LHX4: variants seen among roughly 807,000 people sequenced by gnomAD.
LHX4 encodes the protein LIM homeobox 4.
A neutral mutation model predicts 39.2 loss-of-function variants in LHX4; 16 were observed. The ratio of observed to expected loss-of-function variants is 0.41; its 90% confidence interval spans 0.28 to 0.62. LHX4 has a LOEUF of 0.62. LHX4 is among the 20% of genes least tolerant of loss of function. The probability of loss-of-function intolerance (pLI) is 0.33; values close to 1 mark genes in which losing one functional copy is unlikely to be tolerated. For missense variants in LHX4, 439 were observed against 511.9 expected (o/e 0.86, Z 1.37); for synonymous variants, 206 against 198.1 (o/e 1.04, Z -0.33).
intron 3 of LHX4, among the ~76,000 whole-genome samples, chr1:180,269,353 T>G (rs1278486698): frequency 2.0e-5 from 3 of 152,224 alleles, no homozygotes; most frequent in Non-Finnish European, 2.9e-5. Context: ...TATTGATTTT[T>G]GGGTACATTT....
chr1:180,237,111 G>A (rs1328506233), intron 1 of LHX4, among the ~76,000 whole-genome samples: 1 of 151,396 alleles, frequency 6.6e-6, no homozygotes, highest in Admixed American at 6.6e-5. Flanking sequence ...TCCTTCCCCT[G>A]TTCCCCCAAT....
chr1:180,243,980 C>T (rs1305647786), intron 1 of LHX4, among the ~76,000 whole-genome samples: 4 of 152,190 alleles, frequency 2.6e-5, no homozygotes, highest in African/African-American at 9.7e-5. Context: ...AGCAGCAGCA[C>T]AGTCTATTGG....
chr1:180,259,260 G>C (rs1647998664), intron 2 of LHX4, among the ~76,000 whole-genome samples: 1 of 152,162 alleles, frequency 6.6e-6, no homozygotes, highest in African/African-American at 2.4e-5. Flanking sequence ...GGTTGGGTAG[G>C]GCACTGCCTT....
chr1:180,264,819 TGG>T (rs1171705694), intron 2 of LHX4, among the ~76,000 whole-genome samples: 2 of 152,220 alleles, frequency 1.3e-5, no homozygotes, highest in Admixed American at 6.5e-5. Flanking sequence ...TTCAGAAGCC[TGG>T]GGTCCTCCCA....
chr1:180,265,233 G>C (rs551660468), intron 2 of LHX4, among the ~76,000 whole-genome samples: 6 of 152,202 alleles, frequency 3.9e-5, no homozygotes, highest in Non-Finnish European at 8.8e-5. Flanking sequence ...TCCATTAGGC[G>C]AAGTCTTTCA....
At chr1:180,271,269 C>T in intron 3 of LHX4, 111 bp from the exon 4 acceptor site, 1 of 1,248,194 alleles carries the variant, frequency 8.0e-7, no homozygotes, top group East Asian at 2.3e-5. Flanking sequence ...TCGCGCTGTC[C>T]TGCCTACAGC....
intron 2 of LHX4, among the ~76,000 whole-genome samples, chr1:180,256,535 G>A (rs545889117): frequency 7.9e-5 from 12 of 152,310 alleles, no homozygotes; most frequent in East Asian, 1.9e-4. Context: ...GCCATGCGCC[G>A]TCTGGAGAAT....
chr1:180,267,288 C>T (rs1042360386), intron 3 of LHX4, among the ~76,000 whole-genome samples: 14 of 152,240 alleles, frequency 9.2e-5, no homozygotes, highest in African/African-American at 3.4e-4. Flanking sequence ...CCACTGCCCA[C>T]GGTGGCAGCA....
chr1:180,261,578 G>A (rs115112163), intron 2 of LHX4, among the ~76,000 whole-genome samples: 74 of 152,272 alleles, frequency 4.9e-4, no homozygotes, highest in African/African-American at 1.6e-3. Flanking sequence ...CTGAGAGTTC[G>A]AGTGCAGTGA....
At chr1:180,270,282 TGAATG>T (rs773159054) in intron 3 of LHX4, 3 of 152,216 alleles carry the variant, frequency 2.0e-5, no homozygotes, top group Non-Finnish European at 2.9e-5. Context: ...AGGGTTTTCT[TGAATG>T]GAAAGAAAGG....
rs376426884 is a variant in LHX4 at position 180,266,548 on chromosome 1, C to T, written c.405C>T (p.Asp135=). 22 of 1,614,042 alleles carry T rather than the reference C, an allele frequency of 1.4e-5. No homozygotes were observed. Among genetic ancestry groups the T allele is most frequent in the African/African-American group, 6.7e-5 (5 of 74,912 alleles). The change falls in exon 3 of 6, where the codon GAC becomes GAT. Residue 135 remains aspartate (D), a synonymous_variant. Transcript: ENST00000263726. This position sits in a 1 kb window ranked among gnomAD's most constrained non-coding sequence, Gnocchi z 5.7. ...GGGACGAATTCTACCTCATGGAGGA[C>T]GGGCGGCTGGTGTGCAAGGAAGACT... ...ATGDEFYLME[D]GRLVCKEDYE...
At chr1:180,267,944 T>C (rs1648395920) in intron 3 of LHX4, among the ~76,000 whole-genome samples, 1 of 152,096 alleles carries the variant, frequency 6.6e-6, no homozygotes, top group South Asian at 2.1e-4. Context: ...TGGGCAGGGC[T>C]TCCTGTCTCT....
chr1:180,238,557 C>A (rs572529737), intron 1 of LHX4, among the ~76,000 whole-genome samples: 3 of 151,672 alleles, frequency 2.0e-5, no homozygotes, highest in Non-Finnish European at 3.0e-5. Context: ...TTGTGGCTGG[C>A]CCAGCTCTCT....
chr1:180,230,225 G>C (rs1354169717), upstream of LHX4: 1 of 471,884 alleles, frequency 2.1e-6, no homozygotes, highest in Non-Finnish European at 3.8e-6. This position sits in a 1 kb window ranked among gnomAD's most constrained non-coding sequence, Gnocchi z 5.8. Flanking sequence ...GGAGGGGGAG[G>C]GGGAAGGAGC....
At chr1:180,249,091 G>C (rs763977704) in intron 2 of LHX4, among the ~76,000 whole-genome samples, 2 of 152,212 alleles carry the variant, frequency 1.3e-5, no homozygotes, top group Non-Finnish European at 2.9e-5. Flanking sequence ...TCTTGGGTAG[G>C]TTACTTAACT....
chr1:180,238,719 G>A (rs998488714), intron 1 of LHX4, among the ~76,000 whole-genome samples: 19 of 152,152 alleles, frequency 1.2e-4, no homozygotes, highest in African/African-American at 4.3e-4. Context: ...AAAACATTTT[G>A]GAAAATTCTG....
Position 180,274,280 on chromosome 1 carries a change from A to G in LHX4, c.874A>G (p.Met292Val). The G allele has an allele frequency of 1.9e-6, 3 of 1,614,230 alleles. No individual in the cohort carries two copies. Among genetic ancestry groups the G allele is most frequent in the African/African-American group, 1.3e-5 (1 of 75,072 alleles). ...GGQLMNGSFS[M>V]DGTGQSYQDL... Reference sequence around the variant, plus strand: ...ACAGTTAATGAATGGGAGCTTCTCCATGGACGGGACAGGACAATCCTATCA... The same window carrying G: ...ACAGTTAATGAATGGGAGCTTCTCCGTGGACGGGACAGGACAATCCTATCA... The change falls in exon 6 of 6, where the codon ATG (methionine) becomes GTG (valine). Residue 292 changes from methionine to valine, a missense_variant. Coordinates refer to ENST00000263726, the MANE Select transcript of LHX4 (RefSeq NM_033343.4).
rs761034143 is a variant in LHX4, at chr1:180,274,226, T to TA, written c.821dup (p.Tyr274Ter). 6.2e-7 allele frequency: 1 copy of TA among 1,614,234 alleles called. No homozygotes were observed. The highest frequency in any genetic ancestry group is 1.1e-5 in the South Asian group (1 of 91,086). Residue 274 changes from tyrosine to a stop codon, truncating the protein, a stop_gained and frameshift_variant, in exon 6 of 6, where the codon TAT becomes TAAT. Transcript: ENST00000263726. LOFTEE classifies it high-confidence loss of function. ...AGAACTTGGCCACACCAATAGGATT[T>TA]ATGGCAACGTGGGGGACGTTACAGG... Reference protein sequence around the residue: ...LSELGHTNRIYGNVGDVTGGQ... With the variant: ...LSELGHTNRI
chr1:180,230,175 G>T, upstream of LHX4: 1 of 375,710 alleles, frequency 2.7e-6, no homozygotes, highest in Non-Finnish European at 5.0e-6. This position sits in a 1 kb window ranked among gnomAD's most constrained non-coding sequence, Gnocchi z 5.8. Context: ...CAAAACGCCC[G>T]GGTGACCGCG....
Sources: gnomAD v4.1 joint callset for allele counts (sites outside exome capture counted in the v4.1 genomes callset) on GRCh38, gnomAD v4.1.1 for gene constraint, Gnocchi (gnomAD v3.1) non-coding constraint, MANE v1.5 for transcripts, NCBI Gene and HGNC (gene_info 2026-07-23, HGNC 2026-07-21) for gene names.